The following FHIT variants were observed in gnomAD, a reference collection of about 807,000 sequenced individuals.
The protein encoded by FHIT is bis(5'-adenosyl)-triphosphatase.
FHIT carries 19 observed loss-of-function variants against 17.9 expected under a neutral mutation model. That is an observed-to-expected ratio of 1.06 (90% CI 0.74 to 1.56). The LOEUF (loss-of-function observed/expected upper bound fraction) is 1.56. FHIT is among the 40% of genes most tolerant of loss of function. FHIT has a pLI of 0.00. For missense variants in FHIT, 248 were observed against 189.2 expected (o/e 1.31, Z -1.82); for synonymous variants, 81 against 69.7 (o/e 1.16, Z -0.81).
At chr3:61,027,697 AATATGT>A (rs1416538229) in intron 3 of FHIT, among the ~76,000 whole-genome samples, 4 of 152,220 alleles carry the variant, frequency 2.6e-5, no homozygotes, top group African/African-American at 9.7e-5. Flanking sequence ...ACTATCATAC[AATATGT>A]ATGACAGAAA....
At chr3:61,158,304 A>T (rs2037587793) in intron 2 of FHIT, among the ~76,000 whole-genome samples, 2 of 152,168 alleles carry the variant, frequency 1.3e-5, no homozygotes, top group Admixed American at 1.3e-4. Context: ...AGAACCATCA[A>T]TACGTCTAGC....
intron 4 of FHIT, among the ~76,000 whole-genome samples, chr3:60,678,732 T>A (rs1257102645): frequency 6.6e-6 from 1 of 152,122 alleles, no homozygotes; most frequent in Non-Finnish European, 1.5e-5. Context: ...TTCCAAGATT[T>A]ACCATTTTCA....
At chr3:60,867,577 C>T (rs1036852681) in intron 3 of FHIT, among the ~76,000 whole-genome samples, 1 of 152,164 alleles carries the variant, frequency 6.6e-6, no homozygotes, top group Admixed American at 6.6e-5. Flanking sequence ...TCTCCTTTAG[C>T]CCCAAGCATA....
intron 4 of FHIT, among the ~76,000 whole-genome samples, chr3:60,620,018 C>CA (rs1350811569): frequency 1.3e-5 from 2 of 151,750 alleles, no homozygotes; most frequent in African/African-American, 4.8e-5. Context: ...GACACCTCAC[C>CA]AAAAAATACA....
Position 61,123,883 on chromosome 3 carries a change from A to G in FHIT, c.-164+76734T>C, listed in dbSNP as rs1447463768. Among the ~76,000 whole-genome samples the G allele has an allele frequency of 2.6e-5, 4 of 152,158 alleles. No individual in the cohort carries two copies. In the East Asian group the frequency reaches 7.7e-4, roughly 29 times the overall value. Reference sequence around the variant, plus strand: ...AAGCTTATAATCAGCTCTTACAAATACGTACAACATGGATACTCTTGAGCC... The same window carrying G: ...AAGCTTATAATCAGCTCTTACAAATGCGTACAACATGGATACTCTTGAGCC... On this transcript the variant is annotated intron_variant, in intron 2 of 9. Transcript: ENST00000492590.
intron 2 of FHIT, among the ~76,000 whole-genome samples, chr3:61,057,815 A>G (rs2034279349): frequency 6.6e-6 from 1 of 152,214 alleles, no homozygotes; most frequent in Non-Finnish European, 1.5e-5. Flanking sequence ...TTTCACCTGC[A>G]AGGAAAAGTT....
intron 3 of FHIT, among the ~76,000 whole-genome samples, chr3:61,012,670 T>C (rs1340407788): frequency 2.0e-5 from 3 of 151,484 alleles, no homozygotes; most frequent in Non-Finnish European, 4.4e-5. Flanking sequence ...GTTTCAATAA[T>C]TTTAACTTTT....
chr3:60,052,975 G>C (rs946170280), intron 5 of FHIT, among the ~76,000 whole-genome samples: 1 of 151,840 alleles, frequency 6.6e-6, no homozygotes, highest in African/African-American at 2.4e-5. Context: ...ACTTAAAATA[G>C]AGTCTTCAGT....
chr3:60,808,713 A>G (rs1701477850), intron 4 of FHIT, among the ~76,000 whole-genome samples: 1 of 152,212 alleles, frequency 6.6e-6, no homozygotes, highest in Non-Finnish European at 1.5e-5. Flanking sequence ...CTTTCCTTGT[A>G]AAGGTTAAAG....
At chr3:60,836,766 A>T (rs1702556927) in intron 3 of FHIT, among the ~76,000 whole-genome samples, 1 of 152,182 alleles carries the variant, frequency 6.6e-6, no homozygotes, top group South Asian at 2.1e-4. Context: ...GCCCAAAGCA[A>T]TCACTTTGAT....
intron 3 of FHIT, among the ~76,000 whole-genome samples, chr3:60,930,503 T>A (rs1392779465): frequency 1.3e-5 from 2 of 151,812 alleles, no homozygotes; most frequent in African/African-American, 4.8e-5. Context: ...CTACAAAGAA[T>A]CAAACAGATT....
At chr3:61,224,576 A>AT (rs1352548606) in intron 1 of FHIT, among the ~76,000 whole-genome samples, 3 of 151,906 alleles carry the variant, frequency 2.0e-5, no homozygotes, top group African/African-American at 4.8e-5. Context: ...CACCCAGCTA[A>AT]TTTTTTTATT....
chr3:60,414,509 T>C (rs1006036590), intron 5 of FHIT, among the ~76,000 whole-genome samples: 4 of 152,158 alleles, frequency 2.6e-5, no homozygotes, highest in African/African-American at 9.7e-5. Context: ...ACTGTTATCT[T>C]TGCCAAAGGA....
At chr3:60,563,261 A>G (rs1359367766) in intron 4 of FHIT, among the ~76,000 whole-genome samples, 1 of 152,166 alleles carries the variant, frequency 6.6e-6, no homozygotes, top group Non-Finnish European at 1.5e-5. Context: ...AATAATACTT[A>G]CTGATGAATA....
chr3:59,915,293 G>A (rs1490685545), intron 8 of FHIT, among the ~76,000 whole-genome samples: 1 of 152,180 alleles, frequency 6.6e-6, no homozygotes, highest in Non-Finnish European at 1.5e-5. Flanking sequence ...ACATGGAGTG[G>A]TTTGATAGAG....
intron 5 of FHIT, among the ~76,000 whole-genome samples, chr3:60,052,889 T>A (rs1221383920): frequency 6.6e-6 from 1 of 151,472 alleles, no homozygotes; most frequent in East Asian, 1.9e-4. Flanking sequence ...ACTAACAAAG[T>A]ATGTGTTATT....
At chr3:60,423,499 G>T (rs1256167248) in intron 5 of FHIT, among the ~76,000 whole-genome samples, 2 of 152,038 alleles carry the variant, frequency 1.3e-5, no homozygotes, top group Non-Finnish European at 2.9e-5. Context: ...TTTTCTGATT[G>T]ATATGAATGA....
chr3:60,678,369 A>G (rs1479363430), intron 4 of FHIT, among the ~76,000 whole-genome samples: 1 of 152,188 alleles, frequency 6.6e-6, no homozygotes, highest in Non-Finnish European at 1.5e-5. Context: ...CTTAAATACA[A>G]TTCTTTTTTC....
At chr3:60,128,992 C>T (rs1699389890) in intron 5 of FHIT, among the ~76,000 whole-genome samples, 1 of 151,648 alleles carries the variant, frequency 6.6e-6, no homozygotes, top group Admixed American at 6.6e-5. Flanking sequence ...ATTGATTTCA[C>T]ACCTTTCCTT....
Sources: allele counts gnomAD v4.1 joint callset (sites outside exome capture counted in the v4.1 genomes callset), GRCh38; gene constraint gnomAD v4.1.1; transcripts MANE v1.5; gene names NCBI Gene and HGNC (gene_info 2026-07-23, HGNC 2026-07-21).